Variants in HSF2 observed in about 807,000 individuals in gnomAD.
HSF2 encodes the protein heat shock transcription factor 2.
Under a neutral mutation model 65.0 loss-of-function variants are expected in HSF2, and 21 were observed. The ratio of observed to expected loss-of-function variants is 0.32; its 90% CI spans 0.23 to 0.47. The LOEUF (loss-of-function observed/expected upper bound fraction) is 0.47. HSF2 is among the 20% of genes least tolerant of loss of function. The pLI is 1.00. For synonymous variants in HSF2, 225 were observed against 219.1 expected (o/e 1.03, Z -0.24); for missense variants, 499 against 628.1 (o/e 0.79, Z 2.20).
chr6:122,399,996 C>A (rs551567483), intron 1 of HSF2, among the ~76,000 whole-genome samples, 166 bp downstream of exon 1: 1 of 152,058 alleles, frequency 6.6e-6, no homozygotes, highest in Non-Finnish European at 1.5e-5. Context: ...ATTGTTCGCT[C>A]GGGGAGCCGC....
At chr6:122,399,554 T>G, upstream of HSF2, 1 of 567,862 alleles carries the variant, frequency 1.8e-6, no homozygotes, top group Non-Finnish European at 3.1e-6. Flanking sequence ...CGCGGAGACT[T>G]GTCCGTCACG....
chr6:122,400,313 C>T (rs1318130513), intron 1 of HSF2, among the ~76,000 whole-genome samples: 8 of 152,158 alleles, frequency 5.3e-5, no homozygotes. Flanking sequence ...CCAGTTCCCC[C>T]AACATTGCTT....
chr6:122,420,260 C>A (rs1444491868), intron 7 of HSF2, 38 bp downstream of exon 7: 6 of 1,482,064 alleles, frequency 4.0e-6, no homozygotes, highest in South Asian at 1.2e-5. Context: ...TATTTATTGT[C>A]TCAGACTAAA....
rs908695028 is a variant in HSF2 at position 122,432,296 on chromosome 6, C to CT, written c.*83dup. On this transcript the variant is annotated 3_prime_UTR_variant, in exon 13 of 13. Coordinates refer to ENST00000368455, the MANE Select transcript of HSF2 (RefSeq NM_004506.4). ...ATTTATTTTAAAGTATCATTTGGTA[C>CT]TTTTTTTGTAAATTGCTTTGTTTTG... 8 of 1,274,100 alleles carry CT rather than the reference C, an allele frequency of 6.3e-6. No individual in the cohort carries two copies. Among genetic ancestry groups the CT allele is most frequent in the South Asian group, 5.8e-5 (4 of 69,208 alleles). The allele number at this position is 1,274,100 out of a possible 1,614,324, so 78.9% of individuals were successfully genotyped here. A position where few individuals can be genotyped will look rare whatever the true frequency, so the allele number is the denominator to read the frequency against.
intron 8 of HSF2, 136 bp from the exon 9 acceptor site, chr6:122,422,582 A>G: frequency 1.1e-6 from 1 of 882,426 alleles, no homozygotes; most frequent in Non-Finnish European, 1.8e-6. Flanking sequence ...CAATATTGTG[A>G]TTAAGCTGCT....
chr6:122,423,884 A>G (rs541037241), intron 10 of HSF2, among the ~76,000 whole-genome samples, 198 bp downstream of exon 10: 1 of 152,250 alleles, frequency 6.6e-6, no homozygotes, highest in Admixed American at 6.6e-5. Context: ...CCTGCCTTGG[A>G]GTAGCAATTG....
chr6:122,419,878 A>G (rs1774195917), intron 6 of HSF2, among the ~76,000 whole-genome samples: 1 of 152,210 alleles, frequency 6.6e-6, no homozygotes, highest in Non-Finnish European at 1.5e-5. Context: ...TCGGTAAGCA[A>G]TGAAGTATAA....
At chr6:122,401,313 A>C (rs1773727988) in intron 1 of HSF2, among the ~76,000 whole-genome samples, 1 of 152,228 alleles carries the variant, frequency 6.6e-6, no homozygotes, top group Admixed American at 6.5e-5. Context: ...AGTTGACAAG[A>C]AGGATCAGTA....
intron 1 of HSF2, among the ~76,000 whole-genome samples, chr6:122,409,299 A>G (rs1249081912): frequency 2.0e-5 from 3 of 152,184 alleles, no homozygotes; most frequent in East Asian, 1.9e-4. Flanking sequence ...GAAATGCCAC[A>G]GAGAGGTGTA....
intron 11 of HSF2, among the ~76,000 whole-genome samples, chr6:122,430,790 A>G (rs1003753063): frequency 1.3e-5 from 2 of 152,160 alleles, no homozygotes; most frequent in Non-Finnish European, 2.9e-5. Context: ...GAAATTAACA[A>G]TGGTAAAGAT....
intron 1 of HSF2, among the ~76,000 whole-genome samples, chr6:122,407,628 T>C (rs1356650978): frequency 6.6e-6 from 1 of 152,114 alleles, no homozygotes; most frequent in Non-Finnish European, 1.5e-5. Flanking sequence ...TCCTATATAT[T>C]CTACATATTC....
intron 1 of HSF2, among the ~76,000 whole-genome samples, chr6:122,408,384 A>G (rs534653991): frequency 2.6e-5 from 4 of 151,446 alleles, no homozygotes; most frequent in East Asian, 1.9e-4. Context: ...GATCAAAACT[A>G]TATAAATCAG....
At chr6:122,404,748 T>C (rs561394390) in intron 1 of HSF2, among the ~76,000 whole-genome samples, 1 of 152,316 alleles carries the variant, frequency 6.6e-6, no homozygotes, top group Admixed American at 6.5e-5. Context: ...CTGTGTTGTA[T>C]TGCTTGAACC....
At chr6:122,418,899 T>C (rs1465224178) in intron 5 of HSF2, among the ~76,000 whole-genome samples, 3 of 152,208 alleles carry the variant, frequency 2.0e-5, no homozygotes, top group African/African-American at 7.2e-5. Flanking sequence ...TGCACCGTAG[T>C]GTAATCTTCA....
At chr6:122,420,323 CAA>C (rs940898439) in intron 7 of HSF2, 101 bp downstream of exon 7, 2 of 788,860 alleles carry the variant, frequency 2.5e-6, no homozygotes, top group African/African-American at 3.6e-5. Context: ...AATAACAATT[CAA>C]GTGTTCATCC....
At chr6:122,403,355 C>T (rs940550284) in intron 1 of HSF2, among the ~76,000 whole-genome samples, 2 of 152,134 alleles carry the variant, frequency 1.3e-5, no homozygotes, top group Non-Finnish European at 2.9e-5. Context: ...CCTGTAATCC[C>T]AGCACTTTGG....
intron 5 of HSF2, among the ~76,000 whole-genome samples, chr6:122,418,102 T>C (rs1774162068): frequency 6.6e-6 from 1 of 152,224 alleles, no homozygotes; most frequent in African/African-American, 2.4e-5. Context: ...TATTTAATCA[T>C]GTAACTTCAC....
intron 10 of HSF2, among the ~76,000 whole-genome samples, chr6:122,427,557 A>G (rs983486314): frequency 2.0e-5 from 3 of 152,014 alleles, no homozygotes; most frequent in Admixed American, 6.6e-5. Flanking sequence ...CCTGCACACC[A>G]CTTAAGGCCA....
intron 5 of HSF2, among the ~76,000 whole-genome samples, chr6:122,418,178 C>T (rs564611): frequency 0.56 from 85,160 of 151,964 alleles, 24,056 homozygotes; most frequent in South Asian, 0.68. Context: ...GGCTTTTATT[C>T]ATAGCTTCTC....
Sources: gnomAD v4.1 joint callset for allele counts (sites outside exome capture counted in the v4.1 genomes callset) on GRCh38, gnomAD v4.1.1 for gene constraint, MANE v1.5 for transcripts, NCBI Gene and HGNC (gene_info 2026-07-23, HGNC 2026-07-21) for gene names.